Variants in SCN11A observed in about 807,000 individuals in gnomAD.
The protein encoded by SCN11A is sodium channel protein type 11 subunit alpha.
Under a neutral mutation model 162.2 loss-of-function variants are expected in SCN11A, and 122 were observed. The ratio of observed to expected loss-of-function variants is 0.75; its 90% CI spans 0.65 to 0.87. The LOEUF is 0.87. SCN11A is among the 40% of genes least tolerant of loss of function. The pLI, the probability that SCN11A is intolerant of heterozygous loss-of-function variation, is 0.00. For missense variants in SCN11A, 2,015 were observed against 2,181.6 expected (o/e 0.92, Z 1.52); for synonymous variants, 758 against 751.5 (o/e 1.01, Z -0.14).
At chr3:38,999,770 T>TA (rs1387480567) in intron 2 of SCN11A, among the ~76,000 whole-genome samples, 1 of 152,210 alleles carries the variant, frequency 6.6e-6, no homozygotes, top group Non-Finnish European at 1.5e-5. Flanking sequence ...ACTAGCTTTA[T>TA]AAGGTTCTGT....
chr3:38,998,600 A>G (rs2030714023), intron 2 of SCN11A, among the ~76,000 whole-genome samples: 1 of 152,198 alleles, frequency 6.6e-6, no homozygotes, highest in African/African-American at 2.4e-5. Context: ...ATAAAGACAC[A>G]TGCACACATA....
rs544015176 is a variant in SCN11A, at chr3:38,940,518, T to C, written c.488+4893A>G. 6.6e-5 allele frequency among the ~76,000 whole-genome samples: 10 copies of C among 152,282 alleles called. 1 individual carries two copies. The South Asian group carries it at 2.1e-3, about 32-fold the overall frequency. On this transcript the variant is annotated intron_variant, in intron 7 of 29. Coordinates refer to ENST00000302328, the MANE Select transcript of SCN11A (RefSeq NM_001349253.2). Reference sequence around the variant, plus strand: ...TGGAAGAGAAAAGAAAGTCCAGAAATAGATCTGAATACCTAAGTAACATTT... The same window carrying C: ...TGGAAGAGAAAAGAAAGTCCAGAAACAGATCTGAATACCTAAGTAACATTT...
chr3:38,932,914 GCCT>G (rs1230185658), intron 7 of SCN11A, among the ~76,000 whole-genome samples: 2 of 152,236 alleles, frequency 1.3e-5, no homozygotes, highest in Non-Finnish European at 2.9e-5. Flanking sequence ...CAGGCAGACT[GCCT>G]CCTCAAGTGG....
At chr3:38,950,059 CCCCA>C (rs747583244) in intron 5 of SCN11A, 33 bp downstream of exon 5, 1 of 124,694 alleles carries the variant, frequency 8.0e-6, no homozygotes, top group Admixed American at 9.2e-5. Context: ...GTTAGAACAC[CCCCA>C]CCCCCACCCC....
At chr3:39,044,507 A>G (rs997152720) in intron 1 of SCN11A, among the ~76,000 whole-genome samples, 3 of 152,178 alleles carry the variant, frequency 2.0e-5, no homozygotes, top group South Asian at 2.1e-4. Context: ...CTAGAAATCA[A>G]TAATAACAGA....
rs1166609754 is a variant in SCN11A at position 38,938,509 on chromosome 3, CATATATATATATATATAT to C, written c.488+6884_488+6901del. 4.7e-3 allele frequency among the ~76,000 whole-genome samples: 168 copies of C among 35,506 alleles called. 1 individual carries two copies. Among genetic ancestry groups the C allele is most frequent in the African/African-American group, 0.014 (154 of 11,012 alleles). 23.3% of individuals were successfully genotyped at this position (35,506 alleles called of 152,430 possible). On this transcript the variant is annotated intron_variant, in intron 7 of 29. Transcript: ENST00000302328. ...TAAAAGAAGGCAGAAGGAAAAATAT[CATATATATATATATATAT>C]ATATATATATATATATATATATATT...
chr3:38,873,016 G>A (rs1033615939), intron 23 of SCN11A, among the ~76,000 whole-genome samples: 5 of 152,170 alleles, frequency 3.3e-5, no homozygotes, highest in Non-Finnish European at 7.4e-5. Context: ...GGAATTAAAT[G>A]CTATTTTCTC....
chr3:38,914,703 T>G (rs2065934700), intron 11 of SCN11A, among the ~76,000 whole-genome samples: 1 of 152,208 alleles, frequency 6.6e-6, no homozygotes, highest in Admixed American at 6.5e-5. Context: ...TGAATGGATG[T>G]TGAGTTTATC....
chr3:39,008,457 G>A lies in SCN11A; in HGVS notation c.-280+23923C>T, dbSNP rs1474206131. On this transcript the variant is annotated intron_variant, in intron 2 of 29. Coordinates refer to ENST00000302328, the MANE Select transcript of SCN11A (RefSeq NM_001349253.2). ...AGAAGAGAAATCAAGAGAATCCTCT[G>A]GATTTTGGTGAAAGGAGACACCCGG... Among the ~76,000 whole-genome samples, 6 of 152,146 alleles carry A rather than the reference G, an allele frequency of 3.9e-5. No homozygotes were observed. In the South Asian group the frequency reaches 1.2e-3, roughly 32 times the overall value.
At chr3:38,910,361 A>G (rs1002928499) in intron 11 of SCN11A, among the ~76,000 whole-genome samples, 154 bp from the exon 12 acceptor site, 2 of 152,204 alleles carry the variant, frequency 1.3e-5, no homozygotes, top group African/African-American at 4.8e-5. Flanking sequence ...GCACTGTCTG[A>G]CAAGACTCTT....
In SCN11A at chr3:38,896,983, C is replaced by T. The variant is rs781581121; in HGVS notation, c.2265G>A (p.Trp755Ter). 1.1e-5 allele frequency: 17 copies of T among 1,613,982 alleles called. No homozygotes were observed. In the Admixed American group the frequency reaches 2.7e-4, roughly 25 times the overall value. ...TGCGGAATACCACTAGGAAGGAGTG[C>T]CAGAAATCCCCCATGTGCCAGTGCC... The part of the protein sequence containing the change: ...CLRHWHMGDF[W>*]HSFLVVFRIL... The change falls in exon 18 of 30, where the codon TGG becomes TGA. Residue 755 changes from tryptophan to a stop codon, truncating the protein, a stop_gained. Coordinates refer to ENST00000302328, the MANE Select transcript of SCN11A (RefSeq NM_001349253.2). LOFTEE classifies it high-confidence loss of function.
At chr3:39,022,668 G>A (rs745487219) in intron 2 of SCN11A, among the ~76,000 whole-genome samples, 3 of 152,110 alleles carry the variant, frequency 2.0e-5, no homozygotes, top group African/African-American at 4.8e-5. Context: ...GATTGCTTGA[G>A]TCCAGGAGTT....
At chr3:38,937,169 A>G (rs1171611527) in intron 7 of SCN11A, among the ~76,000 whole-genome samples, 1 of 151,886 alleles carries the variant, frequency 6.6e-6, no homozygotes, top group East Asian at 1.9e-4. Context: ...GGCTAGCCAT[A>G]TGTAGAAAGC....
chr3:38,950,039 C>G (rs1210681970), intron 5 of SCN11A, 57 bp downstream of exon 5: 1 of 919,210 alleles, frequency 1.1e-6, no homozygotes, highest in Non-Finnish European at 1.6e-6. Context: ...ACACCAGTTA[C>G]AACTGCATGG....
intron 23 of SCN11A, among the ~76,000 whole-genome samples, chr3:38,873,699 T>G (rs1010902386): frequency 1.3e-5 from 2 of 152,174 alleles, no homozygotes; most frequent in Non-Finnish European, 2.9e-5. Context: ...TACCCAAGTT[T>G]CTGTTCCATC....
intron 2 of SCN11A, among the ~76,000 whole-genome samples, chr3:38,985,540 C>A (rs2030210391): frequency 6.6e-6 from 1 of 150,774 alleles, no homozygotes; most frequent in African/African-American, 2.5e-5. Flanking sequence ...TGGGTGTGAG[C>A]TATGGCAGTG....
At chr3:38,962,284 T>A (rs1193285627) in intron 2 of SCN11A, among the ~76,000 whole-genome samples, 2 of 152,226 alleles carry the variant, frequency 1.3e-5, no homozygotes, top group Admixed American at 6.5e-5. Flanking sequence ...ATAGTATAAT[T>A]TGAAATCAGG....
At chr3:39,015,764 T>A (rs1247968977) in intron 2 of SCN11A, among the ~76,000 whole-genome samples, 2 of 152,114 alleles carry the variant, frequency 1.3e-5, no homozygotes, top group Non-Finnish European at 1.5e-5. Flanking sequence ...TGAGACAGAG[T>A]CTTGCTCTGA....
intron 11 of SCN11A, among the ~76,000 whole-genome samples, chr3:38,916,574 C>T (rs1416469547): frequency 1.3e-5 from 2 of 152,182 alleles, no homozygotes; most frequent in African/African-American, 4.8e-5. Context: ...AGACCAAAAT[C>T]GTTGGCACTG....
Sources: allele counts gnomAD v4.1 joint callset (sites outside exome capture counted in the v4.1 genomes callset), GRCh38; gene constraint gnomAD v4.1.1; transcripts MANE v1.5; gene names NCBI Gene and HGNC (gene_info 2026-07-23, HGNC 2026-07-21).